The following MCC variants were observed in gnomAD, a reference collection of about 807,000 sequenced individuals.
MCC encodes the protein colorectal mutant cancer protein.
In MCC, 90 loss-of-function variants were observed where a neutral mutation model predicts 116.2. That is an observed-to-expected ratio of 0.77 (90% confidence interval 0.65 to 0.92). The LOEUF is 0.92. MCC is among the 40% of genes least tolerant of loss of function. MCC has a pLI of 0.00. For missense variants in MCC, 1,516 were observed against 1,312.2 expected, an observed-to-expected ratio of 1.16 and a Z score of -2.40; for synonymous variants, 578 against 510.5, an observed-to-expected ratio of 1.13 and a Z score of -1.78.
chr5:113,181,285 G>T lies in MCC; in HGVS notation c.628-29863C>A, dbSNP rs114300658. ...AGGCAAATTTTAGACCACCACTATC[G>T]GTCAGAACACCATTACCAGCCTTGA... On this transcript the variant is annotated intron_variant, in intron 3 of 18. Transcript: ENST00000408903. Among the ~76,000 whole-genome samples the T allele has an allele frequency of 3.8e-3, 585 of 152,208 alleles. 12 individuals carry two copies. Among genetic ancestry groups the T allele is most frequent in the African/African-American group, 0.013 (549 of 41,538 alleles).
chr5:113,474,163 T>G (rs137984710), intron 1 of MCC, among the ~76,000 whole-genome samples: 1 of 152,090 alleles, frequency 6.6e-6, no homozygotes, highest in Non-Finnish European at 1.5e-5. Context: ...CTATTAAGAG[T>G]TGGGCACTGA....
At chr5:113,185,672 C>A (rs1161417120) in intron 3 of MCC, among the ~76,000 whole-genome samples, 1 of 152,142 alleles carries the variant, frequency 6.6e-6, no homozygotes, top group African/African-American at 2.4e-5. Flanking sequence ...AACAGCTTTA[C>A]AAACTTCAAC....
At chr5:113,161,391 G>A (rs1173049974) in intron 3 of MCC, among the ~76,000 whole-genome samples, 1 of 152,140 alleles carries the variant, frequency 6.6e-6, no homozygotes, top group Non-Finnish European at 1.5e-5. Flanking sequence ...TCTCTGACAA[G>A]GTCTGAATTG....
chr5:113,447,277 T>G (rs577942935), intron 1 of MCC, among the ~76,000 whole-genome samples: 43 of 152,286 alleles, frequency 2.8e-4, no homozygotes, highest in African/African-American at 9.6e-4. Context: ...TTTCTTTGGG[T>G]AGGAAGGGGT....
At chr5:113,442,460 C>G (rs1771069937) in intron 1 of MCC, among the ~76,000 whole-genome samples, 2 of 152,178 alleles carry the variant, frequency 1.3e-5, no homozygotes, top group African/African-American at 4.8e-5. Context: ...CCTGTTCACT[C>G]TGATGGCAGT....
intron 14 of MCC, among the ~76,000 whole-genome samples, chr5:113,058,020 T>C (rs1374353963): frequency 6.6e-6 from 1 of 152,180 alleles, no homozygotes; most frequent in African/African-American, 2.4e-5. Flanking sequence ...GGTGTGGGGT[T>C]TACTTACACC....
chr5:113,314,776 C>A (rs1216056783), intron 3 of MCC, among the ~76,000 whole-genome samples: 2 of 152,042 alleles, frequency 1.3e-5, no homozygotes, highest in Non-Finnish European at 1.5e-5. Flanking sequence ...TTAGTAGAGA[C>A]AGGGTTTCAC....
chr5:113,101,540 C>CTT, intron 8 of MCC, 199 bp downstream of exon 8: 15 of 474,662 alleles, frequency 3.2e-5, no homozygotes, highest in Admixed American at 1.1e-4. Context: ...AAAGTGTTTG[C>CTT]TTTTTTTTTT....
intron 2 of MCC, among the ~76,000 whole-genome samples, chr5:113,381,370 G>C (rs1305514653): frequency 6.6e-6 from 1 of 152,186 alleles, no homozygotes; most frequent in African/African-American, 2.4e-5. Flanking sequence ...ACTGCATTAA[G>C]GTTGGAAGTC....
intron 6 of MCC, among the ~76,000 whole-genome samples, chr5:113,117,046 A>T (rs1447859876): frequency 6.6e-6 from 1 of 152,246 alleles, no homozygotes; most frequent in African/African-American, 2.4e-5. Flanking sequence ...GGACTAGAGG[A>T]TCACTGACTA....
chr5:113,089,729 A>T (rs1755464666), intron 8 of MCC, among the ~76,000 whole-genome samples: 1 of 152,236 alleles, frequency 6.6e-6, no homozygotes, highest in African/African-American at 2.4e-5. Flanking sequence ...TTAAATTCAA[A>T]TCTAAATGGT....
At chr5:113,471,574 C>T (rs188488972) in intron 1 of MCC, among the ~76,000 whole-genome samples, 19 of 152,146 alleles carry the variant, frequency 1.2e-4, no homozygotes, top group African/African-American at 3.1e-4. Flanking sequence ...GGTGTCAGTC[C>T]GCCTACTGGG....
intron 3 of MCC, among the ~76,000 whole-genome samples, chr5:113,295,954 C>G (rs1766698179): frequency 6.6e-6 from 1 of 152,186 alleles, no homozygotes; most frequent in African/African-American, 2.4e-5. Flanking sequence ...TTGTCAACTT[C>G]CATGGTCTTT....
chr5:113,457,058 C>CT (rs1393021895), intron 1 of MCC, among the ~76,000 whole-genome samples: 3 of 152,228 alleles, frequency 2.0e-5, no homozygotes, highest in Non-Finnish European at 4.4e-5. Flanking sequence ...TTGAGGAGCC[C>CT]TTCAGCCCAC....
At chr5:113,164,858 C>T (rs1760688377) in intron 3 of MCC, among the ~76,000 whole-genome samples, 1 of 152,194 alleles carries the variant, frequency 6.6e-6, no homozygotes, top group Admixed American at 6.5e-5. Flanking sequence ...ATTGGAAAGG[C>T]CATTGGTACC....
chr5:113,235,780 C>T (rs1764105928), intron 3 of MCC, among the ~76,000 whole-genome samples: 1 of 152,206 alleles, frequency 6.6e-6, no homozygotes, highest in Non-Finnish European at 1.5e-5. Context: ...TTACATTCCT[C>T]CAGGAAACAA....
rs148827828 is a variant in MCC at position 113,147,457 on chromosome 5, T to C, written c.741+3852A>G. ...GGCCACTGATCTTTAATCATCGCAT[T>C]AGTGTCAGCTGTCAAACCTAAGAGC... On this transcript the variant is annotated intron_variant, in intron 4 of 18. Transcript: ENST00000408903. Among the ~76,000 whole-genome samples the C allele has an allele frequency of 8.4e-4, 128 of 152,332 alleles. 3 individuals carry two copies. In the East Asian group the frequency reaches 0.021, roughly 25 times the overall value.
intron 17 of MCC, among the ~76,000 whole-genome samples, chr5:113,039,785 G>C (rs547244533): frequency 1.4e-5 from 2 of 146,242 alleles, no homozygotes; most frequent in Non-Finnish European, 3.0e-5. Context: ...AGAATATGAC[G>C]GAGATGAACT....
intron 1 of MCC, among the ~76,000 whole-genome samples, chr5:113,469,628 G>A (rs1296900952): frequency 6.6e-6 from 1 of 152,114 alleles, no homozygotes; most frequent in Non-Finnish European, 1.5e-5. Context: ...TGGAGTAGGT[G>A]TGGTGTGGTG....
Sources: allele counts gnomAD v4.1 joint callset (sites outside exome capture counted in the v4.1 genomes callset), GRCh38; gene constraint gnomAD v4.1.1; transcripts MANE v1.5; gene names NCBI Gene and HGNC (gene_info 2026-07-23, HGNC 2026-07-21).